The following MBD5 variants were observed in gnomAD, a reference collection of about 807,000 sequenced individuals.
MBD5 encodes methyl-CpG-binding domain protein 5.
In MBD5, 13 loss-of-function variants were observed where a neutral mutation model predicts 117.3. The observed-to-expected ratio is 0.11, with a 90% CI of 0.07 to 0.18. The LOEUF is 0.18. Among genes scored for constraint, MBD5 ranks in the 10% least tolerant of loss-of-function variants. The pLI is 1.00. For missense variants in MBD5, 1,879 were observed against 2,093.8 expected, an observed-to-expected ratio of 0.90 and a Z score of 2.00; for synonymous variants, 727 against 766.4, an observed-to-expected ratio of 0.95 and a Z score of 0.85.
chr2:148,185,707 G>A (rs1698637130), intron 2 of MBD5, among the ~76,000 whole-genome samples: 1 of 152,090 alleles, frequency 6.6e-6, no homozygotes, highest in South Asian at 2.1e-4. Context: ...TTCAAGACCA[G>A]CCTGGGCAAC....
At chr2:148,245,953 A>C (rs13027785) in intron 3 of MBD5, among the ~76,000 whole-genome samples, 91,375 of 151,942 alleles carry the variant, frequency 0.6, 27,689 homozygotes, top group East Asian at 0.71. Flanking sequence ...GTATAGATGA[A>C]AATATTAAAC....
At chr2:148,363,242 C>G (rs577175082) in intron 4 of MBD5, among the ~76,000 whole-genome samples, 1 of 151,606 alleles carries the variant, frequency 6.6e-6, no homozygotes, top group Non-Finnish European at 1.5e-5. Context: ...AGAACCTTTT[C>G]TTTTTTTTGA....
rs75554728 is a variant in MBD5, at chr2:148,414,246, G to A, written c.-556-43957G>A. On this transcript the variant is annotated intron_variant, in intron 4 of 13. Coordinates refer to ENST00000642680, the MANE Select transcript of MBD5 (RefSeq NM_001378120.1). The stretch of plus-strand genomic sequence containing the variant: ...TTTACCCAAAAGTCATCCAGAAGCC[G>A]GTTAATTTCCATGAAATTTTGTGAT... 3.0e-3 allele frequency among the ~76,000 whole-genome samples: 456 copies of A among 152,144 alleles called. 17 individuals carry two copies. In the East Asian group the frequency reaches 0.078, roughly 26 times the overall value.
chr2:148,502,339 G>A (rs1338905101), intron 11 of MBD5, 97 bp from the exon 12 acceptor site: 16 of 1,079,548 alleles, frequency 1.5e-5, no homozygotes, highest in Non-Finnish European at 2.3e-5. Context: ...TCCCCTCCCC[G>A]CCAGTGCAGC....
chr2:148,256,470 G>A (rs577567641), intron 3 of MBD5, among the ~76,000 whole-genome samples: 2 of 152,320 alleles, frequency 1.3e-5, no homozygotes, highest in African/African-American at 4.8e-5. Flanking sequence ...ACCCCAAATG[G>A]GTTGGTGGCC....
At chr2:148,359,144 G>A (rs1442961946) in intron 4 of MBD5, among the ~76,000 whole-genome samples, 2 of 151,940 alleles carry the variant, frequency 1.3e-5, no homozygotes, top group Admixed American at 1.3e-4. Flanking sequence ...CTGCACGCCT[G>A]TAGTCCCAGC....
intron 12 of MBD5, among the ~76,000 whole-genome samples, chr2:148,509,775 T>A (rs757348006): frequency 1.8e-4 from 28 of 152,166 alleles, no homozygotes; most frequent in Admixed American, 1.2e-3. Flanking sequence ...GTGGCCCAAC[T>A]TTCTTCCCAA....
chr2:148,130,907 T>G (rs1697029144), intron 1 of MBD5, among the ~76,000 whole-genome samples: 1 of 152,206 alleles, frequency 6.6e-6, no homozygotes, highest in African/African-American at 2.4e-5. Flanking sequence ...TCACCAAAGG[T>G]GATTAGAATC....
chr2:148,484,886 T>C (rs1263867793), intron 9 of MBD5, among the ~76,000 whole-genome samples: 2 of 152,208 alleles, frequency 1.3e-5, no homozygotes, highest in Non-Finnish European at 2.9e-5. Flanking sequence ...ATGATGTCAA[T>C]GGCATCTTCA....
At chr2:148,181,442 C>G (rs534619153) in intron 2 of MBD5, among the ~76,000 whole-genome samples, 1 of 152,170 alleles carries the variant, frequency 6.6e-6, no homozygotes, top group African/African-American at 2.4e-5. Flanking sequence ...CTATCAGATG[C>G]GTCCCCACAT....
At chr2:148,300,660 C>T (rs1701760178) in intron 3 of MBD5, among the ~76,000 whole-genome samples, 1 of 152,110 alleles carries the variant, frequency 6.6e-6, no homozygotes. Flanking sequence ...GAATCAGAGA[C>T]ATTTTCTATC....
intron 4 of MBD5, among the ~76,000 whole-genome samples, chr2:148,353,545 A>G (rs1559036290): frequency 6.6e-6 from 1 of 151,754 alleles, no homozygotes; most frequent in Non-Finnish European, 1.5e-5. Flanking sequence ...ACCCAACCCT[A>G]CCTCCACCTT....
chr2:148,114,915 G>C (rs1278962644), intron 1 of MBD5, among the ~76,000 whole-genome samples: 1 of 151,818 alleles, frequency 6.6e-6, no homozygotes, highest in Non-Finnish European at 1.5e-5. Flanking sequence ...CTAGTATACA[G>C]AGAATAAAAA....
intron 2 of MBD5, chr2:148,219,968 G>A (rs1699644865): frequency 6.6e-6 from 1 of 152,078 alleles, no homozygotes; most frequent in African/African-American, 2.4e-5. Context: ...AGCCAAAATG[G>A]CGAGATATGT....
intron 11 of MBD5, among the ~76,000 whole-genome samples, chr2:148,498,870 A>C (rs16828688): frequency 0.015 from 2,296 of 152,332 alleles, 43 homozygotes; most frequent in African/African-American, 0.053. Flanking sequence ...AAAACTCTTA[A>C]TCATCTACCA....
intron 4 of MBD5, among the ~76,000 whole-genome samples, chr2:148,362,381 T>A (rs575967802): frequency 6.6e-6 from 1 of 152,226 alleles, no homozygotes; most frequent in Admixed American, 6.5e-5. Flanking sequence ...AAGTTCGAAC[T>A]GGGCGGAGAT....
intron 1 of MBD5, among the ~76,000 whole-genome samples, chr2:148,100,426 A>G (rs1156543451): frequency 6.6e-6 from 1 of 152,172 alleles, no homozygotes; most frequent in Non-Finnish European, 1.5e-5. Flanking sequence ...CTGCATAACA[A>G]ATTACCCCAA....
intron 4 of MBD5, among the ~76,000 whole-genome samples, chr2:148,379,397 T>C (rs888641213): frequency 8.6e-5 from 13 of 151,840 alleles, no homozygotes; most frequent in African/African-American, 3.1e-4. Context: ...CAACCTAAGA[T>C]TGAATGCCCA....
chr2:148,074,830 CAGTAATG>C (rs1156411136), intron 1 of MBD5, among the ~76,000 whole-genome samples: 2 of 151,928 alleles, frequency 1.3e-5, no homozygotes, highest in African/African-American at 4.8e-5. Context: ...GAGGATGTGG[CAGTAATG>C]ATTTGGAAAT....
Sources: gnomAD v4.1 joint callset for allele counts (sites outside exome capture counted in the v4.1 genomes callset) on GRCh38, gnomAD v4.1.1 for gene constraint, MANE v1.5 for transcripts, NCBI Gene and HGNC (gene_info 2026-07-23, HGNC 2026-07-21) for gene names.